The following ZFP69B variants were observed in gnomAD, a reference collection of about 807,000 sequenced individuals.
ZFP69B encodes zinc finger protein 69 homolog B.
In ZFP69B, 20 loss-of-function variants were observed where a neutral mutation model predicts 19.7. The ratio of observed to expected loss-of-function variants is 1.02; its 90% CI spans 0.71 to 1.48. ZFP69B has a LOEUF of 1.48. ZFP69B is among the 40% of genes most tolerant of loss of function. The pLI is 0.00. For synonymous variants in ZFP69B, 220 were observed against 222.7 expected (o/e 0.99, Z 0.11); for missense variants, 583 against 632.6 (o/e 0.92, Z 0.84).
chr1:40,451,945 T>G (rs1238820238), intron 1 of ZFP69B, among the ~76,000 whole-genome samples: 1 of 151,884 alleles, frequency 6.6e-6, no homozygotes. Flanking sequence ...GCCAACATGA[T>G]GAAACCCCAT....
Position 40,463,338 on chromosome 1 carries a change from T to G in ZFP69B, c.1354T>G (p.Cys452Gly). Reference sequence around the variant, plus strand: ...AGAAAGACCATATAAATGTAAGGAATGTGGGAAAGCCTTTAGCCAGAGAAT... The same window carrying G: ...AGAAAGACCATATAAATGTAAGGAAGGTGGGAAAGCCTTTAGCCAGAGAAT... Reference protein sequence around the residue: ...TGERPYKCKECGKAFSQRIHL... With the variant: ...TGERPYKCKEGGKAFSQRIHL... The change falls in exon 5 of 5, where the codon TGT becomes GGT. Residue 452 changes from cysteine (C) to glycine (G), a missense_variant. Transcript: ENST00000361584. 6.2e-7 allele frequency: 1 copy of G among 1,614,172 alleles called. No homozygotes were observed. Among genetic ancestry groups the G allele is most frequent in the Non-Finnish European group, 8.5e-7 (1 of 1,180,040 alleles).
rs1280025439 is a variant in ZFP69B, at chr1:40,462,848, CAA to C, written c.866_867del (p.Lys289ThrfsTer7). The C allele has an allele frequency of 1.2e-6, 2 of 1,614,056 alleles. No homozygotes were observed. The highest frequency in any genetic ancestry group is 3.3e-5 in the Admixed American group (2 of 60,014). Reference sequence around the variant, plus strand: ...AGTGTAATATTTGTGAAAAAATCTTCAAACAGCTTATTCACCTTACTGAACAC... The same window carrying C: ...AGTGTAATATTTGTGAAAAAATCTTCACAGCTTATTCACCTTACTGAACAC... The part of the protein sequence containing the change: ...FECNICEKIF[K>X]QLIHLTEHMR... On this transcript the variant is annotated frameshift_variant, in exon 5 of 5. Transcript: ENST00000361584. LOFTEE classifies it low-confidence loss of function (END_TRUNC).
intron 1 of ZFP69B, 105 bp downstream of exon 1, chr1:40,451,193 G>T: frequency 7.5e-7 from 1 of 1,338,750 alleles, no homozygotes; most frequent in Non-Finnish European, 9.7e-7. Flanking sequence ...CGAGTGGGTG[G>T]AGGGTTTCCG....
In ZFP69B at chr1:40,463,142, T is replaced by A; in HGVS notation, c.1158T>A (p.Val386=). ...IGLIQHLRTH[V]REKPFTCKDC... ...TGATCCAGCATTTGAGAACTCATGTTAGAGAGAAACCTTTTACATGCAAAG... is the reference window on the plus strand; with the variant it reads ...TGATCCAGCATTTGAGAACTCATGTAAGAGAGAAACCTTTTACATGCAAAG... Residue 386 remains valine (V), a synonymous_variant, in exon 5 of 5, where the codon GTT becomes GTA. Coordinates refer to ENST00000361584, the MANE Select transcript of ZFP69B (RefSeq NM_023070.3). 1 of 1,614,156 alleles carries A rather than the reference T, an allele frequency of 6.2e-7. No homozygotes were observed. Among genetic ancestry groups the A allele is most frequent in the Non-Finnish European group, 8.5e-7 (1 of 1,180,012 alleles).
chr1:40,456,597 A>T (rs922466741), intron 2 of ZFP69B, among the ~76,000 whole-genome samples: 1 of 152,064 alleles, frequency 6.6e-6, no homozygotes, highest in Non-Finnish European at 1.5e-5. Context: ...AGCCCAACAA[A>T]AGTCCCTGTC....
chr1:40,462,396 T>C, intron 4 of ZFP69B, 25 bp from the exon 5 acceptor site: 2 of 1,547,390 alleles, frequency 1.3e-6, no homozygotes, highest in Non-Finnish European at 1.7e-6. Flanking sequence ...GGAATATGGA[T>C]CTTTTTTTTT....
chr1:40,457,543 CA>C (rs1645245491), intron 4 of ZFP69B, 104 bp downstream of exon 4: 1 of 855,956 alleles, frequency 1.2e-6, no homozygotes, highest in Non-Finnish European at 1.8e-6. Flanking sequence ...ATGGTACATT[CA>C]AGAAAGTTGA....
In ZFP69B at chr1:40,453,009, G is replaced by A. The variant is rs757284301; in HGVS notation, c.128-1194G>A. Among the ~76,000 whole-genome samples the A allele has an allele frequency of 2.2e-4, 31 of 138,660 alleles. 1 individual carries two copies. The highest frequency in any genetic ancestry group is 5.8e-4 in the African/African-American group (21 of 36,494). 91.0% of individuals were successfully genotyped at this position (138,660 alleles called of 152,430 possible). A position where few individuals can be genotyped will look rare whatever the true frequency, so the allele number is the denominator to read the frequency against. On this transcript the variant is annotated intron_variant, in intron 1 of 4. Coordinates refer to ENST00000361584, the MANE Select transcript of ZFP69B (RefSeq NM_023070.3). The stretch of plus-strand genomic sequence containing the variant: ...TTTTTTTTTTCCTGTCACCCAAGCC[G>A]GAGTTCAATGGCTCGATCTTGGCTT...
chr1:40,460,072 T>C (rs1645267814), intron 4 of ZFP69B, among the ~76,000 whole-genome samples: 1 of 152,178 alleles, frequency 6.6e-6, no homozygotes, highest in Non-Finnish European at 1.5e-5. Flanking sequence ...CTACCTCTTA[T>C]ATTGGCAAAA....
At chr1:40,455,171 A>G (rs1206617903) in intron 2 of ZFP69B, among the ~76,000 whole-genome samples, 4 of 152,340 alleles carry the variant, frequency 2.6e-5, no homozygotes, top group South Asian at 4.1e-4. Context: ...TTCTAATAGC[A>G]GTTTAACAGT....
rs553580781 is a variant in ZFP69B, at chr1:40,451,657, G to GGT, written c.127+570_127+571insTG. On this transcript the variant is annotated intron_variant, in intron 1 of 4. Transcript: ENST00000361584. ...CACTTAAAATAGAGAAAGACGTGGG[G>GGT]GGGGGGGAATTCATTTGCAAACATT... 7.5e-3 allele frequency among the ~76,000 whole-genome samples: 1,113 copies of GGT among 148,768 alleles called. 16 individuals carry two copies. The highest frequency in any genetic ancestry group is 0.011 in the Non-Finnish European group (772 of 67,152).
At position 40,450,575 on chromosome 1, in the gene ZFP69B, A is replaced by G. The variant is rs1292433486; in HGVS notation, c.-387A>G. Reference sequence around the variant, plus strand: ...CGTGTATCTTTTGGAAACATTTTACAGTGATCCATATATGTTCTAGCGTTC... The same window carrying G: ...CGTGTATCTTTTGGAAACATTTTACGGTGATCCATATATGTTCTAGCGTTC... On this transcript the variant is annotated 5_prime_UTR_variant, in exon 1 of 5. Coordinates refer to ENST00000361584, the MANE Select transcript of ZFP69B (RefSeq NM_023070.3). The G allele has an allele frequency of 9.7e-5, 15 of 154,494 alleles. No individual in the cohort carries two copies. The highest frequency in any genetic ancestry group is 2.2e-4 in the Non-Finnish European group (15 of 69,724). The allele number at this position is 154,494 out of a possible 1,614,324, so 9.6% of individuals were successfully genotyped here.
intron 1 of ZFP69B, 114 bp downstream of exon 1, chr1:40,451,202 C>G: frequency 7.7e-7 from 1 of 1,304,486 alleles, no homozygotes; most frequent in South Asian, 1.9e-5. Flanking sequence ...GGAGGGTTTC[C>G]GGAGTTGTTG....
chr1:40,463,303 C>T lies in ZFP69B; in HGVS notation c.1319C>T (p.Thr440Ile), dbSNP rs752166230. Residue 440 changes from threonine to isoleucine, a missense_variant, in exon 5 of 5, where the codon ACT (threonine) becomes ATT (isoleucine). By Grantham distance (89) the Thr-to-Ile change is moderately conservative. Coordinates refer to ENST00000361584, the MANE Select transcript of ZFP69B (RefSeq NM_023070.3). ...ACATACCTAACTCAACACCAGAGAA[C>T]TCATACTGGAGAAAGACCATATAAA... The part of the protein sequence containing the change: ...HSTYLTQHQR[T>I]HTGERPYKCK... 1.8e-5 allele frequency: 29 copies of T among 1,613,886 alleles called. No individual in the cohort carries two copies. Among genetic ancestry groups the T allele is most frequent in the Non-Finnish European group, 2.3e-5 (27 of 1,179,982 alleles).
intron 1 of ZFP69B, 41 bp from the exon 2 acceptor site, chr1:40,454,162 T>C (rs747637673): frequency 1.3e-6 from 2 of 1,491,088 alleles, no homozygotes. Flanking sequence ...GTTTGGGTGA[T>C]TTGGGGAGAT....
rs1372091677 is a variant in ZFP69B at position 40,457,363 on chromosome 1, T to C, written c.360T>C (p.Pro120=). 3.7e-6 allele frequency: 6 copies of C among 1,614,066 alleles called. No individual in the cohort carries two copies. The highest frequency in any genetic ancestry group is 4.5e-5 in the East Asian group (2 of 44,890). ...LVSVGCQLSK[P]GVISQLEKGE... is the part of the protein sequence containing the mutation. ...AAGCAGGATGTCAGCTTTCCAAACC[T>C]GGCGTGATTTCCCAGTTGGAGAAAG... Residue 120 remains proline, a synonymous_variant, in exon 4 of 5, where the codon CCT becomes CCC. Coordinates refer to ENST00000361584, the MANE Select transcript of ZFP69B (RefSeq NM_023070.3).
chr1:40,450,909 C>G lies in ZFP69B; in HGVS notation c.-53C>G. The G allele has an allele frequency of 6.8e-7, 1 of 1,463,928 alleles. No individual in the cohort carries two copies. The highest frequency in any genetic ancestry group is 9.1e-7 in the Non-Finnish European group (1 of 1,103,388). The allele number at this position is 1,463,928 out of a possible 1,614,324, so 90.7% of individuals were successfully genotyped here. A position where few individuals can be genotyped will look rare whatever the true frequency, so the allele number is the denominator to read the frequency against. On this transcript the variant is annotated 5_prime_UTR_variant, in exon 1 of 5. Coordinates refer to ENST00000361584, the MANE Select transcript of ZFP69B (RefSeq NM_023070.3). ...CAGCAATTTCCTCATCAGAGGTGGA[C>G]AAGCCCTATGGGCTAAGACAGAGGG... is the stretch of plus-strand genomic sequence containing the variant.
chr1:40,463,578 A>G lies in ZFP69B; in HGVS notation c.1594A>G (p.Asn532Asp). The G allele has an allele frequency of 6.2e-7, 1 of 1,604,374 alleles. No homozygotes were observed. Among genetic ancestry groups the G allele is most frequent in the Non-Finnish European group, 8.5e-7 (1 of 1,174,944 alleles). Reference sequence around the variant, plus strand: ...AACACATTTAAGAAATACCTTCAGCAATGTTGTGTGAAATATACTAAACAT... The same window carrying G: ...AACACATTTAAGAAATACCTTCAGCGATGTTGTGTGAAATATACTAAACAT... ...CKTHLRNTFS[N>D]VV The change falls in exon 5 of 5, where the codon AAT (asparagine) becomes GAT (aspartate). Residue 532 changes from asparagine to aspartate, a missense_variant. Coordinates refer to ENST00000361584, the MANE Select transcript of ZFP69B (RefSeq NM_023070.3).
At position 40,463,637 on chromosome 1, in the gene ZFP69B, T is replaced by C. The variant is rs913379108; in HGVS notation, c.*48T>C. Reference sequence around the variant, plus strand: ...CTATGTTGGAGCACAAGATTCTAAATCAGTGGTTCCCTGATCCCTCAAAAA... The same window carrying C: ...CTATGTTGGAGCACAAGATTCTAAACCAGTGGTTCCCTGATCCCTCAAAAA... On this transcript the variant is annotated 3_prime_UTR_variant, in exon 5 of 5. Coordinates refer to ENST00000361584, the MANE Select transcript of ZFP69B (RefSeq NM_023070.3). 1.3e-6 allele frequency: 2 copies of C among 1,485,792 alleles called. No individual in the cohort carries two copies. Among genetic ancestry groups the C allele is most frequent in the Non-Finnish European group, 9.1e-7 (1 of 1,104,104 alleles). 92.0% of individuals were successfully genotyped at this position (1,485,792 alleles called of 1,614,324 possible).
Sources: gnomAD v4.1 joint callset for allele counts (sites outside exome capture counted in the v4.1 genomes callset) on GRCh38, gnomAD v4.1.1 for gene constraint, MANE v1.5 for transcripts, NCBI Gene and HGNC (gene_info 2026-07-23, HGNC 2026-07-21) for gene names.